Variants in DUSP10 observed in about 807,000 individuals in gnomAD.
DUSP10 encodes dual specificity protein phosphatase 10.
Under a neutral mutation model 30.8 loss-of-function variants are expected in DUSP10, and 14 were observed. The ratio of observed to expected loss-of-function variants is 0.46; its 90% CI spans 0.30 to 0.71. DUSP10 has a LOEUF of 0.71. Ranked by LOEUF, DUSP10 falls within the 30% of genes least tolerant of loss-of-function variation. DUSP10 has a pLI of 0.08. For synonymous variants in DUSP10, 254 were observed against 250.4 expected, an observed-to-expected ratio of 1.01 and a Z score of -0.14; for missense variants, 550 against 619.4, an observed-to-expected ratio of 0.89 and a Z score of 1.19.
chr1:221,730,469 G>A (rs7543452), intron 2 of DUSP10, among the ~76,000 whole-genome samples: 3,539 of 152,266 alleles, frequency 0.023, 136 homozygotes, highest in African/African-American at 0.081. Flanking sequence ...ATCCCGTTGT[G>A]GAAGCACTCA....
chr1:221,724,219 C>A (rs1489940358), intron 2 of DUSP10, among the ~76,000 whole-genome samples: 1 of 152,172 alleles, frequency 6.6e-6, no homozygotes, highest in Non-Finnish European at 1.5e-5. Flanking sequence ...CCTTGGGCAA[C>A]TTACCTAACC....
Position 221,702,502 on chromosome 1 carries a change from C to T in DUSP10, c.1359G>A (p.Gly453=). 1 of 1,614,076 alleles carries T rather than the reference C, an allele frequency of 6.2e-7. No homozygotes were observed. The highest frequency in any genetic ancestry group is 8.5e-7 in the Non-Finnish European group (1 of 1,180,018). ...GGTCTTCCTCGAACTCTAGCAACTG[C>T]CCCATGAAGTTAAGGTTTGGGGAGA... ...PIISPNLNFM[G]QLLEFEEDLN... Residue 453 remains glycine, a synonymous_variant, in exon 4 of 4, where the codon GGG becomes GGA. Coordinates refer to ENST00000366899, the MANE Select transcript of DUSP10 (RefSeq NM_007207.6). The surrounding 1 kb of genome is among the most constrained non-coding windows in gnomAD (Gnocchi z 4.5).
chr1:221,716,635 T>A (rs1249541622), intron 2 of DUSP10, among the ~76,000 whole-genome samples: 1 of 152,184 alleles, frequency 6.6e-6, no homozygotes. Context: ...AAGAAAGGAT[T>A]TTGGGCTTCA....
At chr1:221,716,964 G>T (rs1661123987) in intron 2 of DUSP10, among the ~76,000 whole-genome samples, 2 of 152,172 alleles carry the variant, frequency 1.3e-5, no homozygotes, top group East Asian at 3.9e-4. Context: ...GAGTTGAGGA[G>T]GTGAGTGACA....
At chr1:221,718,609 TG>T (rs1370506839) in intron 2 of DUSP10, among the ~76,000 whole-genome samples, 5 of 152,206 alleles carry the variant, frequency 3.3e-5, no homozygotes, top group Admixed American at 1.3e-4. Context: ...AAAACATTCT[TG>T]CCTTTCAGTG....
chr1:221,704,529 G>A (rs1233793744), intron 3 of DUSP10, among the ~76,000 whole-genome samples: 1 of 152,162 alleles, frequency 6.6e-6, no homozygotes. Flanking sequence ...TATGCTTGTT[G>A]AGAAATTTTT....
In DUSP10 at chr1:221,733,958, G is replaced by A. The variant is rs527419748; in HGVS notation, c.811+4976C>T. 2.0e-5 allele frequency among the ~76,000 whole-genome samples: 3 copies of A among 152,300 alleles called. No homozygotes were observed. In the East Asian group the frequency reaches 5.8e-4, roughly 29 times the overall value. ...TACCCAAAAGCTCAGAGAGAGGACA[G>A]CCAACTAACTGTGCAGCAGTTCAGA... On this transcript the variant is annotated intron_variant, in intron 2 of 3. Transcript: ENST00000366899.
At position 221,710,952 on chromosome 1, in the gene DUSP10, G is replaced by C. The variant is rs80077732; in HGVS notation, c.812-4486C>G. Among the ~76,000 whole-genome samples, 950 of 152,182 alleles carry C rather than the reference G, an allele frequency of 6.2e-3. 10 individuals carry two copies. The highest frequency in any genetic ancestry group is 0.022 in the African/African-American group (895 of 41,520). On this transcript the variant is annotated intron_variant, in intron 2 of 3. Coordinates refer to ENST00000366899, the MANE Select transcript of DUSP10 (RefSeq NM_007207.6). Reference sequence around the variant, plus strand: ...GGGGTAGGGTGAGGCAAGGCGGGGTGGGGGGGCAGCAAACATTTTCAAAGC... The same window carrying C: ...GGGGTAGGGTGAGGCAAGGCGGGGTCGGGGGGCAGCAAACATTTTCAAAGC...
intron 2 of DUSP10, among the ~76,000 whole-genome samples, chr1:221,719,705 G>A (rs867097264): frequency 8.5e-5 from 13 of 152,066 alleles, no homozygotes; most frequent in African/African-American, 2.7e-4. Context: ...TCAGACTTTC[G>A]ACCATTTCCC....
rs566662778 is a variant in DUSP10 at position 221,739,266 on chromosome 1, G to C, written c.479C>G (p.Thr160Ser). ...CGGCAGGTGACTCTTGCTGCATTTG[G>C]TCATCTTCTTTGCCAAGTCATTGGG... ...IYPNDLAKKM[T>S]KCSKSHLPSQ... The change falls in exon 2 of 4, where the codon ACC becomes AGC. Residue 160 changes from threonine (T) to serine (S), a missense_variant. Coordinates refer to ENST00000366899, the MANE Select transcript of DUSP10 (RefSeq NM_007207.6). 1 of 1,614,188 alleles carries C rather than the reference G, an allele frequency of 6.2e-7. No homozygotes were observed. The highest frequency in any genetic ancestry group is 1.1e-5 in the South Asian group (1 of 91,082).
Position 221,739,587 on chromosome 1 carries a change from AG to A in DUSP10, c.157del (p.Leu53SerfsTer6). On this transcript the variant is annotated frameshift_variant, in exon 2 of 4. Transcript: ENST00000366899. LOFTEE classifies it high-confidence loss of function. ...PPVIATTVVS[L>X]KAANLTYMPS... ...CATATACGTCAGATTCGCAGCCTTG[AG>A]GGACACAACGGTGGTGGCGATGACA... 6.2e-7 allele frequency: 1 copy of A among 1,614,058 alleles called. No homozygotes were observed. Among genetic ancestry groups the A allele is most frequent in the Non-Finnish European group, 8.5e-7 (1 of 1,180,026 alleles).
At chr1:221,707,394 C>T (rs1244769025) in intron 2 of DUSP10, among the ~76,000 whole-genome samples, 1 of 152,200 alleles carries the variant, frequency 6.6e-6, no homozygotes, top group Non-Finnish European at 1.5e-5. Context: ...TACTCCTCGA[C>T]TTTCCAAGGC....
intron 2 of DUSP10, among the ~76,000 whole-genome samples, chr1:221,721,470 G>T (rs1661275965): frequency 6.6e-6 from 1 of 152,248 alleles, no homozygotes; most frequent in African/African-American, 2.4e-5. Context: ...ACACAGTCAG[G>T]TGCAGGACTC....
chr1:221,715,498 C>A (rs1260643077), intron 2 of DUSP10, among the ~76,000 whole-genome samples: 7 of 152,170 alleles, frequency 4.6e-5, no homozygotes. Context: ...TCTCTTGCCC[C>A]CCTCCTACCA....
intron 1 of DUSP10, among the ~76,000 whole-genome samples, chr1:221,740,996 G>T (rs1661938366): frequency 6.6e-6 from 1 of 152,142 alleles, no homozygotes; most frequent in Non-Finnish European, 1.5e-5. Context: ...CAGGAAAAAT[G>T]CCATCTATCA....
rs767540604 is a variant in DUSP10 at position 221,702,622 on chromosome 1, G to C, written c.1239C>G (p.Ser413=). ...GLLIHCQAGV[S]RSATIVIAYL... The stretch of plus-strand genomic sequence containing the variant: ...AAGCGATGACGATGGTGGCGGAGCG[G>C]GACACCCCAGCCTGGCAGTGGATGA... The change falls in exon 4 of 4, where the codon TCC becomes TCG. Residue 413 remains serine (S), a synonymous_variant. Coordinates refer to ENST00000366899, the MANE Select transcript of DUSP10 (RefSeq NM_007207.6). The surrounding 1 kb of genome is among the most constrained non-coding windows in gnomAD (Gnocchi z 4.5). 4 of 1,614,080 alleles carry C rather than the reference G, an allele frequency of 2.5e-6. No homozygotes were observed. The highest frequency in any genetic ancestry group is 3.4e-6 in the Non-Finnish European group (4 of 1,180,022).
In DUSP10 at chr1:221,739,241, C is replaced by T. The variant is rs766677636; in HGVS notation, c.504G>A (p.Pro168=). The change falls in exon 2 of 4, where the codon CCG becomes CCA. Residue 168 remains proline (P), a synonymous_variant. Coordinates refer to ENST00000366899, the MANE Select transcript of DUSP10 (RefSeq NM_007207.6). The part of the protein sequence containing the change: ...KMTKCSKSHL[P]SQGPVIIDCR... ...AGTCAATGATGACAGGGCCCTGACT[C>T]GGCAGGTGACTCTTGCTGCATTTGG... The T allele has an allele frequency of 1.4e-5, 23 of 1,614,062 alleles. No homozygotes were observed. The highest frequency in any genetic ancestry group is 8.8e-5 in the South Asian group (8 of 91,086).
intron 2 of DUSP10, among the ~76,000 whole-genome samples, chr1:221,726,830 T>C (rs762983164): frequency 2.7e-4 from 41 of 152,142 alleles, no homozygotes; most frequent in Non-Finnish European, 5.4e-4. Flanking sequence ...ACTGCATTAG[T>C]GGTGACATCA....
intron 2 of DUSP10, among the ~76,000 whole-genome samples, chr1:221,709,238 G>C (rs1660863726): frequency 6.6e-6 from 1 of 152,092 alleles, no homozygotes; most frequent in Non-Finnish European, 1.5e-5. Flanking sequence ...TAAGGCCTTT[G>C]GTGCAACTGT....
Sources: gnomAD v4.1 joint callset for allele counts (sites outside exome capture counted in the v4.1 genomes callset) on GRCh38, gnomAD v4.1.1 for gene constraint, Gnocchi (gnomAD v3.1) non-coding constraint, MANE v1.5 for transcripts, NCBI Gene and HGNC (gene_info 2026-07-23, HGNC 2026-07-21) for gene names.